ADAM23: variants seen among roughly 807,000 people sequenced by gnomAD.
The protein encoded by ADAM23 is ADAM metallopeptidase domain 23.
ADAM23 carries 33 observed loss-of-function variants against 120.1 expected under a neutral mutation model. The ratio of observed to expected loss-of-function variants is 0.27; its 90% CI spans 0.21 to 0.37. The LOEUF (loss-of-function observed/expected upper bound fraction) is 0.37, where lower values mean the gene tolerates loss of function less well. Among genes scored for constraint, ADAM23 ranks in the 10% least tolerant of loss-of-function variants. The pLI is 1.00. For synonymous variants in ADAM23, 367 were observed against 375.2 expected, an observed-to-expected ratio of 0.98 and a Z score of 0.25; for missense variants, 862 against 1,058.2, an observed-to-expected ratio of 0.81 and a Z score of 2.57.
Position 206,450,618 on chromosome 2 carries a change from A to G in ADAM23, c.432+5094A>G, listed in dbSNP as rs1285942609. ...TTGAGTTTTTAGCACTGCATAAGTC[A>G]CACTAACTATATGCTTACACTACCT... On this transcript the variant is annotated intron_variant, in intron 2 of 25. Transcript: ENST00000264377. Among the ~76,000 whole-genome samples the G allele has an allele frequency of 2.0e-5, 3 of 152,228 alleles. No homozygotes were observed. The East Asian group carries it at 5.8e-4, about 29-fold the overall frequency.
intron 2 of ADAM23, among the ~76,000 whole-genome samples, chr2:206,450,495 A>T (rs532487020): frequency 2.6e-4 from 40 of 152,346 alleles, no homozygotes; most frequent in African/African-American, 8.9e-4. Flanking sequence ...CATGGAATTC[A>T]TGTTATAATC....
intron 20 of ADAM23, 106 bp downstream of exon 20, chr2:206,588,260 T>TA (rs529507256): frequency 2.4e-4 from 275 of 1,169,002 alleles, no homozygotes; most frequent in Middle Eastern, 4.5e-4. Context: ...AGTGATGTTT[T>TA]AAAAAAATCT....
chr2:206,534,852 C>T lies in ADAM23; in HGVS notation c.573+3904C>T, dbSNP rs903040875. ...AGGCTTCTTTTCCTAGGTCTATTTC[C>T]TCACCCTGGCTTCTTCCTATTCCGT... On this transcript the variant is annotated intron_variant, in intron 4 of 25. Transcript: ENST00000264377. 2.0e-4 allele frequency among the ~76,000 whole-genome samples: 30 copies of T among 152,190 alleles called. 1 individual carries two copies. Among genetic ancestry groups the T allele is most frequent in the African/African-American group, 7.0e-4 (29 of 41,520 alleles).
At chr2:206,556,932 C>T (rs930095727) in intron 9 of ADAM23, among the ~76,000 whole-genome samples, 7 of 151,996 alleles carry the variant, frequency 4.6e-5, no homozygotes, top group Non-Finnish European at 1.0e-4. Context: ...GTGGGTTAAG[C>T]CGTTTGTATA....
At chr2:206,525,923 T>A (rs1315824477) in intron 3 of ADAM23, among the ~76,000 whole-genome samples, 3 of 152,130 alleles carry the variant, frequency 2.0e-5, no homozygotes, top group Non-Finnish European at 4.4e-5. Flanking sequence ...TTCAAGTTAT[T>A]TTCCAAAAAA....
intron 2 of ADAM23, among the ~76,000 whole-genome samples, chr2:206,455,486 G>A (rs1695278912): frequency 6.6e-6 from 1 of 152,184 alleles, no homozygotes; most frequent in South Asian, 2.1e-4. Context: ...TCTTAGGCAA[G>A]CTTCTGCAGC....
chr2:206,578,192 T>G (rs1395403296), intron 18 of ADAM23, among the ~76,000 whole-genome samples: 1 of 152,136 alleles, frequency 6.6e-6, no homozygotes, highest in Non-Finnish European at 1.5e-5. Context: ...TTTTTTAACA[T>G]TACAAATCTA....
Position 206,474,401 on chromosome 2 carries a change from C to T in ADAM23, c.433-6831C>T, listed in dbSNP as rs570373895. Among the ~76,000 whole-genome samples, 3 of 152,156 alleles carry T rather than the reference C, an allele frequency of 2.0e-5. No homozygotes were observed. In the East Asian group the frequency reaches 5.8e-4, roughly 29 times the overall value. ...GCAAATTTTGCTGAGTGTAAATGCA[C>T]ATTGGAATTTGCTAGATGGTGGCTA... On this transcript the variant is annotated intron_variant, in intron 2 of 25. Transcript: ENST00000264377.
chr2:206,552,438 A>G (rs1336067939), intron 9 of ADAM23, among the ~76,000 whole-genome samples: 1 of 152,180 alleles, frequency 6.6e-6, no homozygotes. Context: ...TTAAAACAGC[A>G]TATTTTTTGA....
At chr2:206,509,161 TAA>T (rs1696568943) in intron 3 of ADAM23, among the ~76,000 whole-genome samples, 1 of 152,192 alleles carries the variant, frequency 6.6e-6, no homozygotes, top group Non-Finnish European at 1.5e-5. Context: ...AGTTTTTTTG[TAA>T]AGAGATAATG....
At position 206,589,791 on chromosome 2, in the gene ADAM23, C is replaced by A. The variant is rs573197851; in HGVS notation, c.1958+277C>A. Among the ~76,000 whole-genome samples the A allele has an allele frequency of 1.6e-3, 240 of 152,192 alleles. 6 individuals carry two copies. In the East Asian group the frequency reaches 0.041, roughly 26 times the overall value. On this transcript the variant is annotated intron_variant, in intron 21 of 25. Transcript: ENST00000264377. ...TTTTTGTTCTGACGAGATACTTTGCCAGAGCATTACAAATTAATACTAGCT... is the reference window on the plus strand; with the variant it reads ...TTTTTGTTCTGACGAGATACTTTGCAAGAGCATTACAAATTAATACTAGCT...
intron 24 of ADAM23, among the ~76,000 whole-genome samples, chr2:206,602,261 A>G (rs1455417238): frequency 6.6e-6 from 1 of 152,090 alleles, no homozygotes; most frequent in Non-Finnish European, 1.5e-5. Flanking sequence ...GTTCAGAAAA[A>G]CCCTATTTTC....
At chr2:206,522,449 A>G (rs903859726) in intron 3 of ADAM23, among the ~76,000 whole-genome samples, 3 of 152,114 alleles carry the variant, frequency 2.0e-5, no homozygotes, top group Admixed American at 1.3e-4. Context: ...GTTTTTCTGT[A>G]TAGAATGAAA....
chr2:206,547,521 A>G lies in ADAM23; in HGVS notation c.793+20A>G. The G allele has an allele frequency of 6.3e-7, 1 of 1,585,654 alleles. No individual in the cohort carries two copies. The highest frequency in any genetic ancestry group is 1.3e-5 in the African/African-American group (1 of 74,118). ...ATCTCAGTAAGTTTTAACTAAAAAT[A>G]GCGATTATATTTTATGTAGTATGAG... On this transcript the variant is annotated intron_variant, in intron 7 of 25. Coordinates refer to ENST00000264377, the MANE Select transcript of ADAM23 (RefSeq NM_003812.4).
chr2:206,607,189 C>CA (rs1698743901), intron 24 of ADAM23: 1 of 152,310 alleles, frequency 6.6e-6, no homozygotes, highest in East Asian at 1.9e-4. Flanking sequence ...CTGGTTAGCA[C>CA]AGGGGAAGCT....
intron 10 of ADAM23, 91 bp from the exon 11 acceptor site, chr2:206,559,864 C>G (rs746902865): frequency 6.9e-6 from 8 of 1,154,104 alleles, no homozygotes; most frequent in South Asian, 5.3e-5. Context: ...CTCACCTCCC[C>G]CTTCCTGTCC....
Position 206,458,249 on chromosome 2 carries a change from AG to A in ADAM23, c.432+12727del, listed in dbSNP as rs1695341098. On this transcript the variant is annotated intron_variant, in intron 2 of 25. Transcript: ENST00000264377. ...AATCGCACAGTGCCTGGCATACAGG[AG>A]GTACATGGGAAATGTTACCAATTAA... Among the ~76,000 whole-genome samples, 6 of 74,016 alleles carry A rather than the reference AG, an allele frequency of 8.1e-5. No homozygotes were observed. The South Asian group carries it at 2.5e-3, about 31-fold the overall frequency. The allele number at this position is 74,016 out of a possible 152,430, so 48.6% of individuals were successfully genotyped here. A position where few individuals can be genotyped will look rare whatever the true frequency, so the allele number is the denominator to read the frequency against.
chr2:206,538,377 T>C (rs1697224006), intron 4 of ADAM23, among the ~76,000 whole-genome samples: 1 of 152,208 alleles, frequency 6.6e-6, no homozygotes, highest in African/African-American at 2.4e-5. Flanking sequence ...TTTAAAATAG[T>C]TTAGCATATC....
At chr2:206,566,666 T>C (rs1049516121) in intron 14 of ADAM23, among the ~76,000 whole-genome samples, 2 of 152,308 alleles carry the variant, frequency 1.3e-5, no homozygotes, top group Admixed American at 6.5e-5. Context: ...TCACTGTGCA[T>C]ATACATACTA....
Sources: allele counts gnomAD v4.1 joint callset (sites outside exome capture counted in the v4.1 genomes callset), GRCh38; gene constraint gnomAD v4.1.1; transcripts MANE v1.5; gene names NCBI Gene and HGNC (gene_info 2026-07-23, HGNC 2026-07-21).